Variants in C12orf42 observed in about 807,000 individuals in gnomAD.
The protein encoded by C12orf42 is chromosome 12 open reading frame 42, also known as uncharacterized protein C12orf42.
A neutral mutation model predicts 21.6 loss-of-function variants in C12orf42; 25 were observed. That is an observed-to-expected ratio of 1.16 (90% CI 0.84 to 1.62). C12orf42 has a LOEUF of 1.62. Ranked by LOEUF, C12orf42 falls within the 40% of genes most tolerant of loss-of-function variation. C12orf42 has a pLI of 0.00. For synonymous variants in C12orf42, 174 were observed against 175.0 expected (o/e 0.99, Z 0.05); for missense variants, 483 against 459.3 (o/e 1.05, Z -0.47).
intron 3 of C12orf42, among the ~76,000 whole-genome samples, chr12:103,398,496 A>C (rs1851115353): frequency 6.6e-6 from 1 of 152,144 alleles, no homozygotes; most frequent in Non-Finnish European, 1.5e-5. Flanking sequence ...AAAGCTTGGT[A>C]AAGGAAACTT....
intron 1 of C12orf42, among the ~76,000 whole-genome samples, chr12:103,486,585 G>T (rs751098121): frequency 3.3e-5 from 5 of 152,064 alleles, no homozygotes; most frequent in Admixed American, 6.5e-5. Flanking sequence ...GAATCCATCC[G>T]GTCCTGCACT....
chr12:103,256,565 T>C (rs1196942220), intron 10 of C12orf42, among the ~76,000 whole-genome samples: 1 of 152,096 alleles, frequency 6.6e-6, no homozygotes, highest in Non-Finnish European at 1.5e-5. Context: ...AGTGGGCCAA[T>C]TTGAGAACAC....
intron 4 of C12orf42, among the ~76,000 whole-genome samples, chr12:103,277,793 G>A (rs1021518968): frequency 4.6e-5 from 7 of 151,868 alleles, no homozygotes; most frequent in Non-Finnish European, 1.0e-4. Flanking sequence ...CTAATTTTTT[G>A]TATTTTTAGT....
the C12orf42 span, among the ~76,000 whole-genome samples, chr12:103,118,560 A>T: frequency 6.6e-6 from 1 of 152,222 alleles, no homozygotes; most frequent in East Asian, 1.9e-4. Flanking sequence ...GCACTTTGGG[A>T]GGCCAAGGCG....
At chr12:103,418,657 G>A (rs2049586052) in intron 2 of C12orf42, among the ~76,000 whole-genome samples, 1 of 151,978 alleles carries the variant, frequency 6.6e-6, no homozygotes. Context: ...TCGCCTTGTT[G>A]AAAATAACAA....
chr12:103,091,435 C>T, the C12orf42 span, among the ~76,000 whole-genome samples: 1 of 151,326 alleles, frequency 6.6e-6, no homozygotes, highest in Non-Finnish European at 1.5e-5. Flanking sequence ...AGTCACAGAG[C>T]ACTCTTGTCG....
the C12orf42 span, among the ~76,000 whole-genome samples, chr12:103,202,162 G>T: frequency 2.0e-5 from 3 of 152,196 alleles, no homozygotes; most frequent in Admixed American, 6.5e-5. Context: ...GTACTGGAAG[G>T]ATCCCAGTGA....
At chr12:103,164,560 G>GT in the C12orf42 span, 1 of 427,844 alleles carries the variant, frequency 2.3e-6, no homozygotes, top group Non-Finnish European at 4.7e-6. Context: ...CAGGGGGTGG[G>GT]TGCCAGTATA....
At chr12:103,446,733 C>T in intron 2 of C12orf42, among the ~76,000 whole-genome samples, 1 of 151,884 alleles carries the variant, frequency 6.6e-6, no homozygotes, top group Non-Finnish European at 1.5e-5. Flanking sequence ...AAAAAACAGA[C>T]TTTAAAGCAA....
intron 1 of C12orf42, among the ~76,000 whole-genome samples, chr12:103,482,948 C>A (rs537959244): frequency 6.6e-6 from 1 of 152,092 alleles, no homozygotes; most frequent in Admixed American, 6.5e-5. Context: ...TTTATTTTTA[C>A]AATATGACTG....
At chr12:103,185,618 A>G in the C12orf42 span, among the ~76,000 whole-genome samples, 1 of 151,928 alleles carries the variant, frequency 6.6e-6, no homozygotes, top group Non-Finnish European at 1.5e-5. Context: ...CTTGAATTAT[A>G]CTCCTATAAT....
intron 2 of C12orf42, among the ~76,000 whole-genome samples, chr12:103,407,908 A>G (rs1427459289): frequency 6.6e-6 from 1 of 152,190 alleles, no homozygotes; most frequent in Admixed American, 6.5e-5. Context: ...TCAGACAGTA[A>G]AGGCTGAGAC....
the C12orf42 span, among the ~76,000 whole-genome samples, chr12:103,160,473 T>C: frequency 6.6e-6 from 1 of 152,162 alleles, no homozygotes; most frequent in African/African-American, 2.4e-5. Flanking sequence ...TCTAATAAAA[T>C]TTTCCCCCAA....
At chr12:103,482,755 T>G (rs1954559340) in intron 1 of C12orf42, among the ~76,000 whole-genome samples, 1 of 152,100 alleles carries the variant, frequency 6.6e-6, no homozygotes, top group Non-Finnish European at 1.5e-5. Flanking sequence ...GACCTTTTTC[T>G]CTATTTTCCA....
At chr12:103,200,583 C>G in the C12orf42 span, among the ~76,000 whole-genome samples, 1 of 152,162 alleles carries the variant, frequency 6.6e-6, no homozygotes, top group Non-Finnish European at 1.5e-5. Flanking sequence ...GGTGTGTACT[C>G]AGCTCCAAAT....
chr12:103,138,195 A>T, the C12orf42 span, among the ~76,000 whole-genome samples: 2 of 152,176 alleles, frequency 1.3e-5, no homozygotes, highest in African/African-American at 4.8e-5. Context: ...GATGCTCACT[A>T]GAAATTCTTT....
chr12:103,465,377 GATTC>G (rs1953039759), intron 2 of C12orf42, among the ~76,000 whole-genome samples: 1 of 152,148 alleles, frequency 6.6e-6, no homozygotes, highest in African/African-American at 2.4e-5. Flanking sequence ...AATGGGAGAT[GATTC>G]ATTATTTGGC....
At chr12:103,083,194 G>A in the C12orf42 span, among the ~76,000 whole-genome samples, 7 of 152,144 alleles carry the variant, frequency 4.6e-5, no homozygotes, top group South Asian at 2.1e-4. Flanking sequence ...GCGAAACCCC[G>A]TCTCTACAAA....
At chr12:103,294,428 G>GAGAGAAAGAAAGAAAGAAAGAAAGAA (rs754499754) in intron 4 of C12orf42, among the ~76,000 whole-genome samples, 2 of 96,020 alleles carry the variant, frequency 2.1e-5, no homozygotes, top group African/African-American at 4.5e-5. Flanking sequence ...AAAGGAGAGA[G>GAGAGAAAGAAAGAAAGAAAGAAAGAA]AGAAAGAAAG....
Sources: gnomAD v4.1 joint callset for allele counts (sites outside exome capture counted in the v4.1 genomes callset) on GRCh38, gnomAD v4.1.1 for gene constraint, MANE v1.5 for transcripts, NCBI Gene and HGNC (gene_info 2026-07-23, HGNC 2026-07-21) for gene names.